Variants in MAP3K5 observed in about 807,000 individuals in gnomAD.
The protein encoded by MAP3K5 is mitogen-activated protein kinase kinase kinase 5, also known as ASK-1.
MAP3K5 carries 56 observed loss-of-function variants against 158.7 expected under a neutral mutation model. The observed-to-expected ratio is 0.35, with a 90% CI of 0.28 to 0.44. The LOEUF (loss-of-function observed/expected upper bound fraction) is 0.44, where lower values mean the gene tolerates loss of function less well. Ranked by LOEUF, MAP3K5 falls within the 20% of genes least tolerant of loss-of-function variation. The probability of loss-of-function intolerance (pLI) is 1.00; values close to 1 mark genes in which losing one functional copy is unlikely to be tolerated. For missense variants in MAP3K5, 1,294 were observed against 1,674.8 expected (o/e 0.77, Z 3.97); for synonymous variants, 579 against 601.7 (o/e 0.96, Z 0.55).
At chr6:136,698,922 T>A (rs6570088) in intron 3 of MAP3K5, among the ~76,000 whole-genome samples, 89,506 of 152,052 alleles carry the variant, frequency 0.59, 27,472 homozygotes, top group African/African-American at 0.76. Flanking sequence ...TCCATCAATT[T>A]AATATTTATT....
At chr6:136,564,954 A>G (rs144002953) in intron 26 of MAP3K5, among the ~76,000 whole-genome samples, 7 of 152,320 alleles carry the variant, frequency 4.6e-5, no homozygotes, top group Admixed American at 4.6e-4. Context: ...TCTGTACGTC[A>G]CTTTACTTTT....
chr6:136,691,008 A>G (rs1225336614), intron 7 of MAP3K5, among the ~76,000 whole-genome samples: 1 of 151,364 alleles, frequency 6.6e-6, no homozygotes, highest in Non-Finnish European at 1.5e-5. Context: ...CAGCACTTTA[A>G]TGTTATTCCA....
At chr6:136,758,117 A>G (rs1001615601) in intron 1 of MAP3K5, among the ~76,000 whole-genome samples, 6 of 152,220 alleles carry the variant, frequency 3.9e-5, no homozygotes, top group African/African-American at 1.4e-4. Context: ...TAATTTAGGA[A>G]CAAATGCTAT....
intron 25 of MAP3K5, among the ~76,000 whole-genome samples, chr6:136,575,102 C>T (rs1462726692): frequency 6.6e-6 from 1 of 151,748 alleles, no homozygotes; most frequent in Admixed American, 6.6e-5. Flanking sequence ...CTTGCCTTAA[C>T]AGTTTATATA....
Position 136,611,352 on chromosome 6 carries a change from A to G in MAP3K5, c.2451T>C (p.Val817=), listed in dbSNP as rs952723724. The G allele has an allele frequency of 1.9e-6, 3 of 1,612,548 alleles. No homozygotes were observed. The African/African-American group carries it at 4.0e-5, about 22-fold the overall frequency. ...ATGTTCCGAAGTCAGAGATCTTGAG[A>G]ACACCACTGTAGGTATTAATCAACA... is the stretch of plus-strand genomic sequence containing the variant. The part of the protein sequence containing the change: ...DNVLINTYSG[V]LKISDFGTSK... Residue 817 remains valine, a synonymous_variant, in exon 18 of 30, where the codon GTT becomes GTC. Coordinates refer to ENST00000359015, the MANE Select transcript of MAP3K5 (RefSeq NM_005923.4).
intron 24 of MAP3K5, among the ~76,000 whole-genome samples, chr6:136,582,247 T>TAC (rs1774916301): frequency 6.7e-6 from 1 of 149,458 alleles, no homozygotes; most frequent in African/African-American, 2.5e-5. Flanking sequence ...CGTGTATGTG[T>TAC]ACACGTGTGT....
chr6:136,650,406 T>C (rs565086566), intron 11 of MAP3K5, among the ~76,000 whole-genome samples: 2 of 152,250 alleles, frequency 1.3e-5, no homozygotes, highest in South Asian at 2.1e-4. Context: ...AATATAGAAG[T>C]GGAAAGGCTT....
At chr6:136,577,059 C>T (rs140499732) in intron 25 of MAP3K5, among the ~76,000 whole-genome samples, 9 of 152,144 alleles carry the variant, frequency 5.9e-5, no homozygotes, top group Middle Eastern at 3.4e-3. Context: ...CAGAACATAG[C>T]CCTGTCATTA....
At chr6:136,614,091 C>A in intron 16 of MAP3K5, 68 bp downstream of exon 16, 1 of 1,542,498 alleles carries the variant, frequency 6.5e-7, no homozygotes, top group Admixed American at 1.9e-5. Context: ...CTAGTAAATC[C>A]CATTCAATTT....
chr6:136,640,698 G>C (rs1477677934), intron 12 of MAP3K5, among the ~76,000 whole-genome samples: 1 of 152,112 alleles, frequency 6.6e-6, no homozygotes, highest in Non-Finnish European at 1.5e-5. Context: ...AGTCATTTTT[G>C]TATCTTTGGC....
chr6:136,634,069 ATTCATGGGCTGAAGTTTGAG>A (rs1156685508), intron 14 of MAP3K5, among the ~76,000 whole-genome samples: 18 of 152,226 alleles, frequency 1.2e-4, no homozygotes, highest in African/African-American at 4.1e-4. Flanking sequence ...TTAGCTTGTT[ATTCATGGGCTGAAGTTTGAG>A]TTCAATTTGT....
intron 2 of MAP3K5, among the ~76,000 whole-genome samples, chr6:136,708,447 G>A (rs914104046): frequency 8.6e-5 from 13 of 151,876 alleles, no homozygotes; most frequent in African/African-American, 3.1e-4. Flanking sequence ...GTAGAGATGG[G>A]GTTTCACCAT....
At chr6:136,756,746 C>G (rs1219786211) in intron 1 of MAP3K5, among the ~76,000 whole-genome samples, 1 of 152,198 alleles carries the variant, frequency 6.6e-6, no homozygotes, top group Non-Finnish European at 1.5e-5. Context: ...TTTCCACAAA[C>G]TGATGGGAGA....
chr6:136,666,374 A>C (rs900753574), intron 8 of MAP3K5, among the ~76,000 whole-genome samples: 15 of 152,192 alleles, frequency 9.9e-5, no homozygotes, highest in African/African-American at 3.6e-4. Flanking sequence ...TTTATAAATA[A>C]ATCAAAATTT....
intron 23 of MAP3K5, among the ~76,000 whole-genome samples, chr6:136,586,298 G>T (rs1374820598): frequency 6.6e-6 from 1 of 152,188 alleles, no homozygotes; most frequent in Admixed American, 6.5e-5. Context: ...TAAAAACTCA[G>T]TTGCAACATG....
intron 8 of MAP3K5, among the ~76,000 whole-genome samples, chr6:136,668,533 G>A (rs1009711497): frequency 6.6e-6 from 1 of 152,158 alleles, no homozygotes; most frequent in Non-Finnish European, 1.5e-5. Context: ...AAGATTCTCT[G>A]AAAGGAGGTC....
chr6:136,749,022 A>C (rs1263692731), intron 1 of MAP3K5, among the ~76,000 whole-genome samples: 1 of 152,238 alleles, frequency 6.6e-6, no homozygotes, highest in East Asian at 1.9e-4. Flanking sequence ...AATATGCTCA[A>C]AACTTATAGT....
At chr6:136,778,882 G>A (rs62422136) in intron 1 of MAP3K5, among the ~76,000 whole-genome samples, 2,132 of 152,294 alleles carry the variant, frequency 0.014, 19 homozygotes, top group Non-Finnish European at 0.023. Flanking sequence ...TAAATAGGCC[G>A]GGTGCAGTGG....
chr6:136,605,448 C>T lies in MAP3K5; in HGVS notation c.2522-82G>A. On this transcript the variant is annotated intron_variant, in intron 18 of 29. Coordinates refer to ENST00000359015, the MANE Select transcript of MAP3K5 (RefSeq NM_005923.4). ...ATGACAGTTTTTCAACAGAATTTTT[C>T]AACAGAAATGAGACAACTGTAAAAA... 2.5e-6 allele frequency: 3 copies of T among 1,198,768 alleles called. No homozygotes were observed. In the South Asian group the frequency reaches 5.1e-5, roughly 20 times the overall value. The allele number at this position is 1,198,768 out of a possible 1,614,324, so 74.3% of individuals were successfully genotyped here.
Sources: gnomAD v4.1 joint callset for allele counts (sites outside exome capture counted in the v4.1 genomes callset) on GRCh38, gnomAD v4.1.1 for gene constraint, MANE v1.5 for transcripts, NCBI Gene and HGNC (gene_info 2026-07-23, HGNC 2026-07-21) for gene names.